Variants in NT5DC1 observed in about 807,000 individuals in gnomAD.
The protein encoded by NT5DC1 is 5'-nucleotidase domain containing 1.
In NT5DC1, 42 loss-of-function variants were observed where a neutral mutation model predicts 59.4. That is an observed-to-expected ratio of 0.71 (90% confidence interval 0.55 to 0.92). The LOEUF (loss-of-function observed/expected upper bound fraction) is 0.92. NT5DC1 is among the 40% of genes least tolerant of loss of function. The pLI is 0.00. For missense variants in NT5DC1, 501 were observed against 537.1 expected, an observed-to-expected ratio of 0.93 and a Z score of 0.66; for synonymous variants, 172 against 188.1, an observed-to-expected ratio of 0.91 and a Z score of 0.70.
intron 11 of NT5DC1, among the ~76,000 whole-genome samples, chr6:116,241,922 CAAAAAAAAAAAAAAAACAAAACAA>C (rs1226431920): frequency 3.8e-4 from 4 of 10,544 alleles, no homozygotes; most frequent in African/African-American, 2.3e-3. Context: ...GACTCCGTCT[CAAAAAAAAAAAAAAAACAAAACAA>C]AAAAAAAAAA....
chr6:116,115,901 G>A, intron 5 of NT5DC1, 131 bp downstream of exon 5: 1 of 428,986 alleles, frequency 2.3e-6, no homozygotes, highest in Non-Finnish European at 4.2e-6. Context: ...GACTGGGAAA[G>A]AAAAACATGG....
In NT5DC1 at chr6:116,182,102, T is replaced by C. The variant is rs888281459; in HGVS notation, c.530-38952T>C. Among the ~76,000 whole-genome samples, 15 of 152,066 alleles carry C rather than the reference T, an allele frequency of 9.9e-5. 1 individual carries two copies. Among genetic ancestry groups the C allele is most frequent in the African/African-American group, 3.6e-4 (15 of 41,426 alleles). ...GTCTTCATAGCTTAGATGCCACTTA[T>C]GAGTGAGAACATTGGTTTTCCATTC... On this transcript the variant is annotated intron_variant, in intron 6 of 11. Coordinates refer to ENST00000319550, the MANE Select transcript of NT5DC1 (RefSeq NM_152729.3).
rs1242052972 is a variant in NT5DC1 at position 116,246,233 on chromosome 6, A to C, written c.*2209A>C. Reference sequence around the variant, plus strand: ...CTAAAGGACACCTAAAAATAGATGTAAGCGAGCGGAGGTTTTCTTTGCTGG... The same window carrying C: ...CTAAAGGACACCTAAAAATAGATGTCAGCGAGCGGAGGTTTTCTTTGCTGG... On this transcript the variant is annotated 3_prime_UTR_variant, in exon 12 of 12. Transcript: ENST00000319550. 6.6e-6 allele frequency: 1 copy of C among 152,166 alleles called. No individual in the cohort carries two copies. The highest frequency in any genetic ancestry group is 1.5e-5 in the Non-Finnish European group (1 of 67,996). The allele number at this position is 152,166 out of a possible 1,614,324, so 9.4% of individuals were successfully genotyped here.
intron 6 of NT5DC1, among the ~76,000 whole-genome samples, chr6:116,181,893 G>T (rs1780880245): frequency 6.6e-6 from 1 of 151,974 alleles, no homozygotes; most frequent in Non-Finnish European, 1.5e-5. Context: ...ATTTCAATAG[G>T]TTTTTGGGAA....
intron 6 of NT5DC1, among the ~76,000 whole-genome samples, chr6:116,156,688 A>G (rs1780203767): frequency 6.6e-6 from 1 of 152,216 alleles, no homozygotes. Flanking sequence ...GACACTGCAG[A>G]TATTCTTATT....
At chr6:116,193,624 G>T (rs546537406) in intron 6 of NT5DC1, among the ~76,000 whole-genome samples, 53 of 151,978 alleles carry the variant, frequency 3.5e-4, no homozygotes, top group Non-Finnish European at 5.6e-4. Context: ...CTGTGCTAAG[G>T]GACAGTATGA....
rs1771847962 is a variant in NT5DC1 at position 116,246,354 on chromosome 6, A to T, written c.*2330A>T. The T allele has an allele frequency of 6.6e-6, 1 of 151,996 alleles. No individual in the cohort carries two copies. Among genetic ancestry groups the T allele is most frequent in the Non-Finnish European group, 1.5e-5 (1 of 67,956 alleles). 9.4% of individuals were successfully genotyped at this position (151,996 alleles called of 1,614,324 possible). On this transcript the variant is annotated 3_prime_UTR_variant, in exon 12 of 12. Coordinates refer to ENST00000319550, the MANE Select transcript of NT5DC1 (RefSeq NM_152729.3). Reference sequence around the variant, plus strand: ...TATTTGGAATACTGAGGTAGTAAAAACTTTATCTGAACCATGAATTACAAT... The same window carrying T: ...TATTTGGAATACTGAGGTAGTAAAATCTTTATCTGAACCATGAATTACAAT...
chr6:116,198,014 GA>G lies in NT5DC1; in HGVS notation c.530-23036del, dbSNP rs1362254071. On this transcript the variant is annotated intron_variant, in intron 6 of 11. Transcript: ENST00000319550. ...GCCCCAGGGCACCTAGCTTTGCTCA[GA>G]AAATGTCCTTCATCAGCTTGCTAGT... 5.9e-5 allele frequency among the ~76,000 whole-genome samples: 9 copies of G among 152,168 alleles called. No homozygotes were observed. In the South Asian group the frequency reaches 1.9e-3, roughly 32 times the overall value.
intron 6 of NT5DC1, among the ~76,000 whole-genome samples, chr6:116,167,745 C>T (rs776212650): frequency 8.6e-5 from 13 of 151,988 alleles, no homozygotes; most frequent in Non-Finnish European, 1.9e-4. Context: ...TGCCCATGAC[C>T]GTTGTTGGAT....
intron 6 of NT5DC1, among the ~76,000 whole-genome samples, chr6:116,210,042 G>A (rs930093911): frequency 2.6e-5 from 4 of 152,000 alleles, no homozygotes; most frequent in Middle Eastern, 6.8e-3. Context: ...AATATGTGGT[G>A]GCTACTTAAT....
chr6:116,153,839 AT>A (rs1405094584), intron 6 of NT5DC1, among the ~76,000 whole-genome samples: 1 of 151,992 alleles, frequency 6.6e-6, no homozygotes, highest in Non-Finnish European at 1.5e-5. Flanking sequence ...TTCTCTGTGG[AT>A]TTTATTGAAG....
chr6:116,158,344 C>T (rs1176326783), intron 6 of NT5DC1, among the ~76,000 whole-genome samples: 1 of 151,836 alleles, frequency 6.6e-6, no homozygotes, highest in Non-Finnish European at 1.5e-5. Context: ...GTTTAAATCT[C>T]CTACTCAAGC....
chr6:116,223,145 G>C lies in NT5DC1; in HGVS notation c.802+14G>C, dbSNP rs1373192674. The C allele has an allele frequency of 1.4e-6, 2 of 1,446,530 alleles. No individual in the cohort carries two copies. Among genetic ancestry groups the C allele is most frequent in the Non-Finnish European group, 1.9e-6 (2 of 1,030,604 alleles). 89.6% of individuals were successfully genotyped at this position (1,446,530 alleles called of 1,614,324 possible). A position where few individuals can be genotyped will look rare whatever the true frequency, so the allele number is the denominator to read the frequency against. ...TCCGGACACTCGGTAAGTTACATTTGGTTTCTTTCTTTTCCTGTATACAGT... is the reference window on the plus strand; with the variant it reads ...TCCGGACACTCGGTAAGTTACATTTCGTTTCTTTCTTTTCCTGTATACAGT... On this transcript the variant is annotated intron_variant, in intron 8 of 11. Coordinates refer to ENST00000319550, the MANE Select transcript of NT5DC1 (RefSeq NM_152729.3).
intron 7 of NT5DC1, among the ~76,000 whole-genome samples, chr6:116,221,533 C>A (rs1781805575): frequency 6.6e-6 from 1 of 152,178 alleles, no homozygotes; most frequent in African/African-American, 2.4e-5. Context: ...GGTTTCTCAT[C>A]TTTGGACGAT....
At chr6:116,124,167 A>C (rs1233082968) in intron 6 of NT5DC1, among the ~76,000 whole-genome samples, 3 of 152,066 alleles carry the variant, frequency 2.0e-5, no homozygotes, top group Non-Finnish European at 2.9e-5. Context: ...TTTAAATTCC[A>C]TCTTTCTTCT....
intron 1 of NT5DC1, 126 bp from the exon 2 acceptor site, chr6:116,106,117 AC>A: frequency 1.4e-6 from 1 of 698,020 alleles, no homozygotes. Context: ...GCAGAACTTC[AC>A]AATTACAGAT....
chr6:116,109,220 A>C (rs556191413), intron 3 of NT5DC1, among the ~76,000 whole-genome samples: 1 of 152,322 alleles, frequency 6.6e-6, no homozygotes, highest in East Asian at 1.9e-4. Context: ...CAGACCCCTG[A>C]TATGTACTCT....
chr6:116,243,824 T>G, intron 11 of NT5DC1, 85 bp from the exon 12 acceptor site: 1 of 571,600 alleles, frequency 1.7e-6, no homozygotes, highest in Non-Finnish European at 3.1e-6. Context: ...AAAAATAAGT[T>G]TTATTAGTGA....
At chr6:116,174,234 G>A (rs1269807479) in intron 6 of NT5DC1, among the ~76,000 whole-genome samples, 5 of 152,082 alleles carry the variant, frequency 3.3e-5, no homozygotes, top group African/African-American at 1.2e-4. Context: ...TGCATACTCC[G>A]TTTTTTGAAA....
Sources: gnomAD v4.1 joint callset for allele counts (sites outside exome capture counted in the v4.1 genomes callset) on GRCh38, gnomAD v4.1.1 for gene constraint, MANE v1.5 for transcripts, NCBI Gene and HGNC (gene_info 2026-07-23, HGNC 2026-07-21) for gene names.